ABCA4: variants seen among roughly 807,000 people sequenced by gnomAD.
ABCA4 encodes the protein retinal-specific phospholipid-transporting ATPase ABCA4.
In ABCA4, 196 loss-of-function variants were observed where a neutral mutation model predicts 263.7. That is an observed-to-expected ratio of 0.74 (90% CI 0.66 to 0.84). The LOEUF is 0.84. Ranked by LOEUF, ABCA4 falls within the 40% of genes least tolerant of loss-of-function variation. The pLI is 0.00. For missense variants in ABCA4, 2,792 were observed against 2,855.1 expected, an observed-to-expected ratio of 0.98 and a Z score of 0.50; for synonymous variants, 1,133 against 1,094.2, an observed-to-expected ratio of 1.04 and a Z score of -0.70.
intron 16 of ABCA4, among the ~76,000 whole-genome samples, chr1:94,054,789 G>C (rs1237088698): frequency 6.6e-6 from 1 of 152,122 alleles, no homozygotes; most frequent in Non-Finnish European, 1.5e-5. Flanking sequence ...TTGACAGAGA[G>C]GGCTGACACC....
At chr1:94,025,195 T>C (rs1321737724) in intron 30 of ABCA4, 147 bp from the exon 31 acceptor site, 1 of 738,874 alleles carries the variant, frequency 1.4e-6, no homozygotes, top group Non-Finnish European at 2.4e-6. Context: ...TCCCTAGTTC[T>C]CACTTCAATG....
intron 5 of ABCA4, among the ~76,000 whole-genome samples, chr1:94,100,412 G>T (rs1032336148): frequency 6.6e-6 from 1 of 152,202 alleles, no homozygotes; most frequent in Non-Finnish European, 1.5e-5. Flanking sequence ...ATGAGGAAAC[G>T]AGAGGCACAG....
At chr1:94,037,428 T>C in intron 24 of ABCA4, 78 bp from the exon 25 acceptor site, 1 of 1,258,282 alleles carries the variant, frequency 7.9e-7, no homozygotes, top group Non-Finnish European at 1.2e-6. Flanking sequence ...GATTTCCTAC[T>C]TCTCTCCACT....
intron 9 of ABCA4, 148 bp downstream of exon 9, chr1:94,079,174 G>T (rs1661618249): frequency 8.6e-7 from 1 of 1,166,186 alleles, no homozygotes; most frequent in East Asian, 2.4e-5. Flanking sequence ...GATGACTGTG[G>T]ATGGGGGAGG....
intron 43 of ABCA4, among the ~76,000 whole-genome samples, chr1:94,007,249 C>A (rs1382188164): frequency 6.6e-6 from 1 of 152,148 alleles, no homozygotes; most frequent in Non-Finnish European, 1.5e-5. Flanking sequence ...TCAGTAAACT[C>A]CCTGAAACGT....
Position 93,995,193 on chromosome 1 carries a change from A to G in ABCA4, c.6816+916T>C, listed in dbSNP as rs544054990. ...AGTAGCCATTAGGTCTCTGCTGGTCAAGAGGAAGGGAAAAAATTCATCACA... is the reference window on the plus strand; with the variant it reads ...AGTAGCCATTAGGTCTCTGCTGGTCGAGAGGAAGGGAAAAAATTCATCACA... On this transcript the variant is annotated intron_variant, in intron 49 of 49. Coordinates refer to ENST00000370225, the MANE Select transcript of ABCA4 (RefSeq NM_000350.3). Among the ~76,000 whole-genome samples, 15 of 152,352 alleles carry G rather than the reference A, an allele frequency of 9.8e-5. No individual in the cohort carries two copies. The East Asian group carries it at 1.9e-3, about 20-fold the overall frequency.
At chr1:94,034,398 G>A (rs935258359) in intron 26 of ABCA4, among the ~76,000 whole-genome samples, 4 of 151,594 alleles carry the variant, frequency 2.6e-5, no homozygotes, top group South Asian at 2.1e-4. Context: ...TGATCCCTTC[G>A]TTCAGTCTTG....
At chr1:94,082,791 C>A (rs1227220665) in intron 7 of ABCA4, among the ~76,000 whole-genome samples, 1 of 152,244 alleles carries the variant, frequency 6.6e-6, no homozygotes, top group Non-Finnish European at 1.5e-5. Context: ...ATATCCCCAG[C>A]ACCTCTTATC....
intron 19 of ABCA4, 25 bp from the exon 20 acceptor site, chr1:94,044,769 A>T: frequency 6.2e-7 from 1 of 1,614,210 alleles, no homozygotes; most frequent in East Asian, 2.2e-5. Context: ...CGTCAGTGGC[A>T]GAAGAGATGG....
intron 19 of ABCA4, 48 bp downstream of exon 19, chr1:94,046,871 G>C (rs754511406): frequency 6.2e-7 from 1 of 1,601,858 alleles, no homozygotes; most frequent in East Asian, 2.2e-5. Context: ...ACTAAGCCAG[G>C]AAATGACAGG....
At chr1:94,060,788 T>G in intron 13 of ABCA4, 29 bp from the exon 14 acceptor site, 1 of 1,528,438 alleles carries the variant, frequency 6.5e-7, no homozygotes, top group Non-Finnish European at 9.0e-7. Flanking sequence ...AGCAGAATAG[T>G]AGAGTGCTCT....
At chr1:94,071,218 A>G (rs1661389619) in intron 11 of ABCA4, among the ~76,000 whole-genome samples, 1 of 152,234 alleles carries the variant, frequency 6.6e-6, no homozygotes, top group African/African-American at 2.4e-5. Context: ...TGAGCTTCCA[A>G]GGAATCAGGG....
chr1:94,004,225 C>A (rs758437252), intron 44 of ABCA4, among the ~76,000 whole-genome samples: 8 of 151,692 alleles, frequency 5.3e-5, no homozygotes, highest in Non-Finnish European at 1.2e-4. Context: ...CATGCACCCA[C>A]AAACACAAGC....
chr1:94,071,173 T>C (rs1661388069), intron 11 of ABCA4, among the ~76,000 whole-genome samples: 2 of 152,242 alleles, frequency 1.3e-5, no homozygotes, highest in East Asian at 1.9e-4. Flanking sequence ...ACCACTATTA[T>C]GGCATTATTT....
rs761879757 is a variant in ABCA4 at position 94,001,984 on chromosome 1, G to A, written c.6156C>T (p.Asn2052=). The change falls in exon 45 of 50, where the codon AAC becomes AAT. Residue 2052 remains asparagine (N), a synonymous_variant. Coordinates refer to ENST00000370225, the MANE Select transcript of ABCA4 (RefSeq NM_000350.3). ...VPAEEIEKVA[N]WSIKSLGLTV... is the part of the protein sequence containing the mutation. The stretch of plus-strand genomic sequence containing the variant: ...TCAGGCCCAGGCTCTTAATACTCCA[G>A]TTTGCAACCTAGGGAAGAGAAAGAA... 1 of 1,614,184 alleles carries A rather than the reference G, an allele frequency of 6.2e-7. No homozygotes were observed. The highest frequency in any genetic ancestry group is 8.5e-7 in the Non-Finnish European group (1 of 1,180,036).
chr1:94,017,410 A>AG (rs1451228207), intron 36 of ABCA4, among the ~76,000 whole-genome samples: 1 of 152,234 alleles, frequency 6.6e-6, no homozygotes, highest in East Asian at 1.9e-4. Flanking sequence ...GCTCAGACCA[A>AG]GGGACATTCT....
intron 19 of ABCA4, among the ~76,000 whole-genome samples, chr1:94,046,213 C>T (rs1660667776): frequency 1.4e-5 from 2 of 142,624 alleles, no homozygotes; most frequent in East Asian, 2.1e-4. Context: ...GAAGCTGAGG[C>T]GGGCAGATCA....
At chr1:94,089,549 C>T (rs1003899509) in intron 6 of ABCA4, among the ~76,000 whole-genome samples, 8 of 151,270 alleles carry the variant, frequency 5.3e-5, no homozygotes, top group African/African-American at 1.9e-4. Flanking sequence ...CTCACTGCTC[C>T]GCCTCCCGGG....
chr1:94,063,662 G>A (rs1191491787), intron 11 of ABCA4, among the ~76,000 whole-genome samples: 4 of 152,190 alleles, frequency 2.6e-5, no homozygotes, highest in Admixed American at 2.6e-4. Context: ...GCGAGGGAGT[G>A]GGGTCACACT....
Sources: gnomAD v4.1 joint callset for allele counts (sites outside exome capture counted in the v4.1 genomes callset) on GRCh38, gnomAD v4.1.1 for gene constraint, MANE v1.5 for transcripts, NCBI Gene and HGNC (gene_info 2026-07-23, HGNC 2026-07-21) for gene names.